Variants in VPS37A observed in about 807,000 individuals in gnomAD.
VPS37A encodes VPS37A subunit of ESCRT-I, also known as vacuolar protein sorting-associated protein 37A.
In VPS37A, 30 loss-of-function variants were observed where a neutral mutation model predicts 49.8. That is an observed-to-expected ratio of 0.60 (90% CI 0.45 to 0.82). The LOEUF is 0.82. Ranked by LOEUF, VPS37A falls within the 40% of genes least tolerant of loss-of-function variation. The probability of loss-of-function intolerance (pLI) is 0.00; values close to 1 mark genes in which losing one functional copy is unlikely to be tolerated. For synonymous variants in VPS37A, 195 were observed against 160.6 expected, an observed-to-expected ratio of 1.21 and a Z score of -1.62; for missense variants, 593 against 464.4, an observed-to-expected ratio of 1.28 and a Z score of -2.55.
At position 17,247,001 on chromosome 8, in the gene VPS37A, G is replaced by C. The variant is rs1173448661; in HGVS notation, c.-244G>C. On this transcript the variant is annotated 5_prime_UTR_variant, in exon 1 of 12. Coordinates refer to ENST00000324849, the MANE Select transcript of VPS37A (RefSeq NM_152415.3). ...CTGGCTGGCCGGTTTGGGCGTCTGG[G>C]CCGTGAAGGTGGGACCTCCTGTTCC... The C allele has an allele frequency of 2.4e-5, 13 of 543,206 alleles. No individual in the cohort carries two copies. In the South Asian group the frequency reaches 2.7e-4, roughly 11 times the overall value. 33.6% of individuals were successfully genotyped at this position (543,206 alleles called of 1,614,324 possible).
At chr8:17,250,445 A>G (rs914311455) in intron 1 of VPS37A, among the ~76,000 whole-genome samples, 21 of 152,210 alleles carry the variant, frequency 1.4e-4, no homozygotes, top group Non-Finnish European at 4.4e-5. Flanking sequence ...TCCTATGAAC[A>G]GTACAAAAAC....
At position 17,274,894 on chromosome 8, in the gene VPS37A, C is replaced by T; in HGVS notation, c.578C>T (p.Ala193Val). 6.2e-7 allele frequency: 1 copy of T among 1,614,136 alleles called. No individual in the cohort carries two copies. The highest frequency in any genetic ancestry group is 1.3e-5 in the African/African-American group (1 of 75,040). Residue 193 changes from alanine to valine, a missense_variant, in exon 5 of 12, where the codon GCT (alanine) becomes GTT (valine). Coordinates refer to ENST00000324849, the MANE Select transcript of VPS37A (RefSeq NM_152415.3). Reference sequence around the variant, plus strand: ...AGTCATACCACAGCCAAGCCTGCCGCTCCTTCATTTGGTGTCCTTTCAAAT... The same window carrying T: ...AGTCATACCACAGCCAAGCCTGCCGTTCCTTCATTTGGTGTCCTTTCAAAT... ...TTSHTTAKPA[A>V]PSFGVLSNLP...
downstream of VPS37A, chr8:17,302,404 CAAAA>C (rs1443916210): frequency 5.6e-6 from 6 of 1,079,704 alleles, no homozygotes; most frequent in Non-Finnish European, 7.7e-6. Flanking sequence ...ATTTCAGCCT[CAAAA>C]AAGCCACTAC....
chr8:17,303,012 A>T (rs1817229484), downstream of VPS37A, among the ~76,000 whole-genome samples: 1 of 152,028 alleles, frequency 6.6e-6, no homozygotes, highest in Admixed American at 6.6e-5. Context: ...CGCCTGACCA[A>T]TAAATCCCTT....
At chr8:17,312,272 A>G in the VPS37A span, among the ~76,000 whole-genome samples, 479 of 152,258 alleles carry the variant, frequency 3.1e-3, 3 homozygotes, top group Non-Finnish European at 5.3e-3. Context: ...TAGTTTTATT[A>G]GTTTATTAAT....
At chr8:17,304,498 T>A (rs73666106), downstream of VPS37A, 1 of 1,613,844 alleles carries the variant, frequency 6.2e-7, no homozygotes, top group Admixed American at 1.7e-5. Context: ...GAGCCCATAA[T>A]GAGTATGTTC....
intron 5 of VPS37A, among the ~76,000 whole-genome samples, chr8:17,275,926 G>C (rs1814469149): frequency 6.6e-6 from 1 of 152,068 alleles, no homozygotes; most frequent in South Asian, 2.1e-4. Context: ...AATTACAAGA[G>C]GACTTTTCAA....
chr8:17,314,353 A>C, the VPS37A span, among the ~76,000 whole-genome samples: 8 of 151,770 alleles, frequency 5.3e-5, no homozygotes, highest in African/African-American at 1.9e-4. Flanking sequence ...TCTACCCCCA[A>C]CTCCATGGGC....
intron 4 of VPS37A, among the ~76,000 whole-genome samples, chr8:17,272,890 A>G (rs1236031126): frequency 6.6e-6 from 1 of 151,794 alleles, no homozygotes; most frequent in East Asian, 1.9e-4. Context: ...TTTTTTCCTC[A>G]TTAGCATCTA....
the VPS37A span, among the ~76,000 whole-genome samples, chr8:17,327,103 C>G: frequency 6.6e-6 from 1 of 152,256 alleles, no homozygotes; most frequent in Middle Eastern, 3.4e-3. Flanking sequence ...TACATATTCT[C>G]CCATGTTAGT....
chr8:17,284,019 T>C (rs1316066470), intron 9 of VPS37A, among the ~76,000 whole-genome samples: 1 of 152,212 alleles, frequency 6.6e-6, no homozygotes, highest in Non-Finnish European at 1.5e-5. Flanking sequence ...TACAGTTTTC[T>C]GTTTATCAGT....
chr8:17,263,935 C>T (rs1256313314), intron 1 of VPS37A, among the ~76,000 whole-genome samples: 2 of 152,070 alleles, frequency 1.3e-5, no homozygotes, highest in African/African-American at 2.4e-5. Context: ...AGCGAAACTC[C>T]GTGTCAAAAA....
Position 17,297,894 on chromosome 8 carries a change from G to T in VPS37A, c.*2908G>T, listed in dbSNP as rs1167509352. The T allele has an allele frequency of 1.3e-5, 2 of 152,000 alleles. No individual in the cohort carries two copies. Among genetic ancestry groups the T allele is most frequent in the African/African-American group, 4.8e-5 (2 of 41,428 alleles). The allele number at this position is 152,000 out of a possible 1,614,324, so 9.4% of individuals were successfully genotyped here. The stretch of plus-strand genomic sequence containing the variant: ...TTACATAAATTATAATGTCTGTCTT[G>T]TAAAAAAGTTGAGGGGACTAAAAGT... On this transcript the variant is annotated 3_prime_UTR_variant, in exon 12 of 12. Transcript: ENST00000324849.
rs1035422969 is a variant in VPS37A, at chr8:17,268,845, G to A, written c.316-11G>A. 6.4e-7 allele frequency: 1 copy of A among 1,574,382 alleles called. No homozygotes were observed. The highest frequency in any genetic ancestry group is 8.7e-7 in the Non-Finnish European group (1 of 1,151,408). On this transcript the variant is annotated splice_polypyrimidine_tract_variant and intron_variant, in intron 3 of 11. Coordinates refer to ENST00000324849, the MANE Select transcript of VPS37A (RefSeq NM_152415.3). ...GAAGTGATTTTAAGCGTCATGTATT[G>A]TTACTTTCAGTTTACAATGCACTCA...
At chr8:17,331,862 C>A in the VPS37A span, among the ~76,000 whole-genome samples, 1 of 152,278 alleles carries the variant, frequency 6.6e-6, no homozygotes, top group South Asian at 2.1e-4. Context: ...GACATTTCCA[C>A]CAGCCGCCTT....
downstream of VPS37A, among the ~76,000 whole-genome samples, chr8:17,303,403 C>G (rs11996598): frequency 0.049 from 7,383 of 152,150 alleles, 226 homozygotes; most frequent in African/African-American, 0.086. Context: ...GAAAAGCCAT[C>G]AAGTCTGTGT....
At chr8:17,323,149 T>G in the VPS37A span, among the ~76,000 whole-genome samples, 168 of 151,880 alleles carry the variant, frequency 1.1e-3, no homozygotes, top group Non-Finnish European at 2.3e-3. Flanking sequence ...GGTTTCACCA[T>G]GTCGGACAGC....
chr8:17,316,462 A>G, the VPS37A span, among the ~76,000 whole-genome samples: 14 of 102,384 alleles, frequency 1.4e-4, no homozygotes, highest in African/African-American at 6.9e-4. Context: ...CAAACAGTAC[A>G]GTAAAAAAAA....
chr8:17,324,586 A>C, the VPS37A span, among the ~76,000 whole-genome samples: 1 of 152,368 alleles, frequency 6.6e-6, no homozygotes, highest in South Asian at 2.1e-4. Flanking sequence ...ATACAACACC[A>C]GAGAGGCAAA....
Sources: gnomAD v4.1 joint callset for allele counts (sites outside exome capture counted in the v4.1 genomes callset) on GRCh38, gnomAD v4.1.1 for gene constraint, MANE v1.5 for transcripts, NCBI Gene and HGNC (gene_info 2026-07-23, HGNC 2026-07-21) for gene names.